Variants in ARHGEF38 observed in about 807,000 individuals in gnomAD.
ARHGEF38 encodes Rho guanine nucleotide exchange factor 38, also known as Rho guanine nucleotide exchange factor (GEF) 38.
A neutral mutation model predicts 79.9 loss-of-function variants in ARHGEF38; 79 were observed. The observed-to-expected ratio is 0.99, with a 90% CI of 0.82 to 1.19. The LOEUF is 1.19. Among genes scored for constraint, ARHGEF38 ranks in the 50% most tolerant of loss-of-function variants. ARHGEF38 has a pLI of 0.00. For missense variants in ARHGEF38, 962 were observed against 907.2 expected, an observed-to-expected ratio of 1.06 and a Z score of -0.78; for synonymous variants, 366 against 328.3, an observed-to-expected ratio of 1.11 and a Z score of -1.24.
chr4:105,647,268 TTCTG>T (rs1270485993), intron 6 of ARHGEF38, among the ~76,000 whole-genome samples: 6 of 152,134 alleles, frequency 3.9e-5, no homozygotes, highest in Non-Finnish European at 7.4e-5. Flanking sequence ...TTCTCTTTTC[TTCTG>T]TCTTTCTCTC....
In ARHGEF38 at chr4:105,589,023, T is replaced by A. The variant is rs115083744; in HGVS notation, c.197-225T>A. On this transcript the variant is annotated intron_variant, in intron 1 of 13. Coordinates refer to ENST00000420470, the MANE Select transcript of ARHGEF38 (RefSeq NM_001242729.2). The stretch of plus-strand genomic sequence containing the variant: ...ATGGGATATTTTAAAGAAGCCACGA[T>A]AATTGAGTATCATTTAACTCACTTG... 1.5e-3 allele frequency among the ~76,000 whole-genome samples: 234 copies of A among 152,366 alleles called. 2 individuals carry two copies. Among genetic ancestry groups the A allele is most frequent in the African/African-American group, 5.3e-3 (219 of 41,592 alleles).
intron 2 of ARHGEF38, among the ~76,000 whole-genome samples, chr4:105,612,928 A>G (rs1276035291): frequency 6.6e-6 from 1 of 152,144 alleles, no homozygotes; most frequent in African/African-American, 2.4e-5. Context: ...AAAAAAAAGG[A>G]AAAAGCAACC....
At chr4:105,557,966 T>C (rs1172599651) in intron 1 of ARHGEF38, among the ~76,000 whole-genome samples, 1 of 152,152 alleles carries the variant, frequency 6.6e-6, no homozygotes, top group Non-Finnish European at 1.5e-5. Context: ...TAAAATGCTA[T>C]TACCCATTAC....
At chr4:105,624,581 AG>A (rs769052174) in intron 3 of ARHGEF38, among the ~76,000 whole-genome samples, 2 of 152,206 alleles carry the variant, frequency 1.3e-5, no homozygotes, top group South Asian at 4.1e-4. Flanking sequence ...ATGAGACTGA[AG>A]GCAAGGGAGT....
chr4:105,555,451 GC>G (rs1285185873), intron 1 of ARHGEF38, among the ~76,000 whole-genome samples: 1 of 152,048 alleles, frequency 6.6e-6, no homozygotes, highest in Non-Finnish European at 1.5e-5. Flanking sequence ...TTGTTCTCTG[GC>G]CTGTACGATA....
intron 11 of ARHGEF38, 135 bp from the exon 12 acceptor site, chr4:105,666,994 C>A (rs1730774477): frequency 1.5e-5 from 12 of 776,756 alleles, no homozygotes; most frequent in Non-Finnish European, 2.2e-5. Context: ...TGCTCTATGC[C>A]TGCACCTTGA....
chr4:105,592,797 T>C (rs1465856322), intron 2 of ARHGEF38, among the ~76,000 whole-genome samples: 2 of 152,120 alleles, frequency 1.3e-5, no homozygotes, highest in African/African-American at 2.4e-5. Context: ...AACAATAAGA[T>C]GTGCACACTC....
At chr4:105,655,819 T>A (rs1730298351) in intron 9 of ARHGEF38, 97 bp downstream of exon 9, 2 of 1,305,496 alleles carry the variant, frequency 1.5e-6, no homozygotes. Flanking sequence ...AAATAAAACA[T>A]GCACTAAAGC....
intron 6 of ARHGEF38, among the ~76,000 whole-genome samples, chr4:105,647,019 G>A (rs1163802391): frequency 6.6e-6 from 1 of 152,048 alleles, no homozygotes; most frequent in African/African-American, 2.4e-5. Flanking sequence ...GATCATACAT[G>A]GAGATCAGGG....
At chr4:105,569,846 A>C (rs1335514532) in intron 1 of ARHGEF38, 4 of 152,222 alleles carry the variant, frequency 2.6e-5, no homozygotes, top group Non-Finnish European at 5.9e-5. Context: ...TTTGCACTAA[A>C]AAATGTTAGC....
intron 1 of ARHGEF38, among the ~76,000 whole-genome samples, chr4:105,556,915 G>A (rs894892816): frequency 2.6e-5 from 4 of 152,140 alleles, no homozygotes; most frequent in Non-Finnish European, 5.9e-5. Flanking sequence ...TATATAATAA[G>A]TAATTCTTAG....
intron 8 of ARHGEF38, among the ~76,000 whole-genome samples, chr4:105,654,884 A>G (rs1020433979): frequency 6.6e-6 from 1 of 152,204 alleles, no homozygotes. Context: ...GTCCCCTTCT[A>G]TATTCCAGAA....
At position 105,625,607 on chromosome 4, in the gene ARHGEF38, G is replaced by A. The variant is rs182186722; in HGVS notation, c.509-5291G>A. ...CTAGGTAGCAGATGGAGACAAGGAT[G>A]AAGACAGTGTAAAGGCTGAGCCAGC... On this transcript the variant is annotated intron_variant, in intron 3 of 13. Coordinates refer to ENST00000420470, the MANE Select transcript of ARHGEF38 (RefSeq NM_001242729.2). Among the ~76,000 whole-genome samples the A allele has an allele frequency of 5.3e-5, 8 of 152,320 alleles. No individual in the cohort carries two copies. The East Asian group carries it at 1.5e-3, about 29-fold the overall frequency.
At chr4:105,621,324 G>A (rs2110503575) in intron 3 of ARHGEF38, among the ~76,000 whole-genome samples, 1 of 152,316 alleles carries the variant, frequency 6.6e-6, no homozygotes, top group South Asian at 2.1e-4. Flanking sequence ...CCTCTTATAT[G>A]TGTTTGCATA....
rs965565840 is a variant in ARHGEF38, at chr4:105,552,780, A to T, written c.15A>T (p.Glu5Asp). MEPKEATGKENMVTK... is the reference protein window; with the variant it reads MEPKDATGKENMVTK... The stretch of plus-strand genomic sequence containing the variant: ...CTTTGCCTAATATGGAGCCCAAAGA[A>T]GCCACTGGGAAAGAAAACATGGTCA... The change falls in exon 1 of 14, where the codon GAA becomes GAT. Residue 5 changes from glutamate (E) to aspartate (D), a missense_variant. Physicochemically the swap from Glu to Asp is conservative, Grantham distance 45. Transcript: ENST00000420470. The T allele has an allele frequency of 1.9e-6, 3 of 1,610,238 alleles. No homozygotes were observed. Among genetic ancestry groups the T allele is most frequent in the Non-Finnish European group, 2.5e-6 (3 of 1,178,808 alleles).
chr4:105,604,278 G>C (rs1288408167), intron 2 of ARHGEF38, among the ~76,000 whole-genome samples: 1 of 152,166 alleles, frequency 6.6e-6, no homozygotes, highest in East Asian at 1.9e-4. Flanking sequence ...AATTACAGTG[G>C]TCAAGTGATT....
intron 5 of ARHGEF38, among the ~76,000 whole-genome samples, chr4:105,637,943 A>G (rs1729465686): frequency 6.6e-6 from 1 of 152,158 alleles, no homozygotes; most frequent in African/African-American, 2.4e-5. Flanking sequence ...AGAACTAAAA[A>G]AGAAGAGCAA....
chr4:105,631,675 A>G (rs1434120415), intron 4 of ARHGEF38: 1 of 979,218 alleles, frequency 1.0e-6, no homozygotes, highest in Non-Finnish European at 1.2e-6. Flanking sequence ...ACCCCTTGCT[A>G]TTTCACTATT....
chr4:105,633,215 T>C (rs1486540082), intron 4 of ARHGEF38: 1 of 152,092 alleles, frequency 6.6e-6, no homozygotes, highest in African/African-American at 2.4e-5. Flanking sequence ...GGAAAGAAAA[T>C]CAAATAAAAT....
Sources: gnomAD v4.1 joint callset for allele counts (sites outside exome capture counted in the v4.1 genomes callset) on GRCh38, gnomAD v4.1.1 for gene constraint, MANE v1.5 for transcripts, NCBI Gene and HGNC (gene_info 2026-07-23, HGNC 2026-07-21) for gene names.